Variants in IL19 observed in about 807,000 individuals in gnomAD.
The protein encoded by IL19 is interleukin 19.
In IL19, 15 loss-of-function variants were observed where a neutral mutation model predicts 19.5. The observed-to-expected ratio is 0.77, with a 90% CI of 0.52 to 1.19. The LOEUF (loss-of-function observed/expected upper bound fraction) is 1.19. Among genes scored for constraint, IL19 ranks in the 50% most tolerant of loss-of-function variants. IL19 has a pLI of 0.00. For synonymous variants in IL19, 78 were observed against 78.3 expected, an observed-to-expected ratio of 1.00 and a Z score of 0.02; for missense variants, 199 against 213.1, an observed-to-expected ratio of 0.93 and a Z score of 0.41.
intron 1 of IL19, chr1:206,772,248 G>C: frequency 5.0e-6 from 8 of 1,608,368 alleles, no homozygotes; most frequent in Non-Finnish European, 6.8e-6. Flanking sequence ...AAGAGAGAAA[G>C]GACAGGAAGG....
intron 1 of IL19, among the ~76,000 whole-genome samples, chr1:206,785,761 AC>A (rs1266397770): frequency 6.6e-6 from 1 of 152,012 alleles, no homozygotes. Flanking sequence ...AATCTCATAG[AC>A]CCCCAGCTCC....
intron 2 of IL19, among the ~76,000 whole-genome samples, chr1:206,809,005 G>T (rs1384544830): frequency 1.3e-5 from 2 of 152,308 alleles, no homozygotes; most frequent in African/African-American, 4.8e-5. Context: ...TACTCCCCAT[G>T]AACTCAAAAG....
chr1:206,831,164 G>A (rs1676599521), intron 2 of IL19, among the ~76,000 whole-genome samples: 1 of 152,164 alleles, frequency 6.6e-6, no homozygotes, highest in Non-Finnish European at 1.5e-5. Flanking sequence ...AATTGCCCTG[G>A]CATCATTATG....
intron 1 of IL19, among the ~76,000 whole-genome samples, chr1:206,773,820 C>T (rs1439444184): frequency 3.3e-5 from 5 of 152,128 alleles, no homozygotes; most frequent in African/African-American, 7.2e-5. Context: ...CTGGGAGGAA[C>T]ACTGACCTAG....
rs573049867 is a variant in IL19 at position 206,839,551 on chromosome 1, T to C, written c.211-299T>C. Among the ~76,000 whole-genome samples, 10 of 152,328 alleles carry C rather than the reference T, an allele frequency of 6.6e-5. No homozygotes were observed. The East Asian group carries it at 1.9e-3, about 29-fold the overall frequency. The stretch of plus-strand genomic sequence containing the variant: ...GAAAGATTTCAGTGGAAGTTAGTGA[T>C]GACACGCTAGGGATACTGCAGAGAG... On this transcript the variant is annotated intron_variant, in intron 4 of 6. Transcript: ENST00000659997.
At chr1:206,815,800 A>G (rs947013779) in intron 2 of IL19, among the ~76,000 whole-genome samples, 1 of 152,234 alleles carries the variant, frequency 6.6e-6, no homozygotes, top group Non-Finnish European at 1.5e-5. Context: ...AAATAAGAAG[A>G]TGGCAAAGCA....
chr1:206,832,274 A>G (rs550306191), intron 2 of IL19, among the ~76,000 whole-genome samples: 50 of 152,394 alleles, frequency 3.3e-4, no homozygotes, highest in Middle Eastern at 6.8e-3. Flanking sequence ...AGTACTTACT[A>G]TGACACAGGT....
At chr1:206,825,022 C>G (rs1045957156) in intron 2 of IL19, among the ~76,000 whole-genome samples, 4 of 152,214 alleles carry the variant, frequency 2.6e-5, no homozygotes, top group African/African-American at 9.6e-5. Flanking sequence ...TCCCAAAGTG[C>G]TGGGATTATA....
chr1:206,771,434 G>A lies in IL19; in HGVS notation c.-149+356G>A, dbSNP rs763601604. 2.5e-6 allele frequency: 4 copies of A among 1,591,360 alleles called. No individual in the cohort carries two copies. The highest frequency in any genetic ancestry group is 3.4e-6 in the Non-Finnish European group (4 of 1,167,102). ...TCATTTGCTGCAGGAAGAACAAAAG[G>A]AGAATGAACTTGAGGTTTGGGGAAA... is the stretch of plus-strand genomic sequence containing the variant. On this transcript the variant is annotated intron_variant, in intron 1 of 6. Transcript: ENST00000659997.
At chr1:206,837,182 T>C (rs1190276293) in intron 4 of IL19, among the ~76,000 whole-genome samples, 159 bp downstream of exon 4, 1 of 152,116 alleles carries the variant, frequency 6.6e-6, no homozygotes, top group Non-Finnish European at 1.5e-5. Flanking sequence ...TAGGGCACGC[T>C]AGTGTCCCAG....
At chr1:206,805,958 T>C (rs1204433531) in intron 2 of IL19, among the ~76,000 whole-genome samples, 1 of 152,238 alleles carries the variant, frequency 6.6e-6, no homozygotes, top group African/African-American at 2.4e-5. Context: ...CTCTTGCTTT[T>C]TTCTGGGTTG....
At position 206,798,945 on chromosome 1, in the gene IL19, C is replaced by A; in HGVS notation, c.-64C>A. The A allele has an allele frequency of 6.2e-7, 1 of 1,614,010 alleles. No homozygotes were observed. The highest frequency in any genetic ancestry group is 8.5e-7 in the Non-Finnish European group (1 of 1,179,976). ...ACAGATCTGCGTGTTCCTTACCACT[C>A]ACACATGTGCACACACATATCCATG... On this transcript the variant is annotated 5_prime_UTR_variant, in exon 2 of 7. It introduces an in-frame stop codon into an upstream open reading frame of the 5' UTR. Coordinates refer to ENST00000659997, the MANE Select transcript of IL19 (RefSeq NM_153758.5).
At chr1:206,786,621 C>T (rs774528209) in intron 1 of IL19, among the ~76,000 whole-genome samples, 4 of 152,038 alleles carry the variant, frequency 2.6e-5, no homozygotes, top group African/African-American at 9.7e-5. Context: ...CAGCAGCCCA[C>T]GTTGAGCCAG....
rs916421429 is a variant in IL19, at chr1:206,839,725, T to C, written c.211-125T>C. ...GAGAGGATGAACACTCTGAGACCAT[T>C]ACGAATTTTTCCAAAATGACTTTTA... On this transcript the variant is annotated intron_variant, in intron 4 of 6. Transcript: ENST00000659997. 5 of 794,978 alleles carry C rather than the reference T, an allele frequency of 6.3e-6. No homozygotes were observed. In the African/African-American group the frequency reaches 8.6e-5, roughly 14 times the overall value. 49.2% of individuals were successfully genotyped at this position (794,978 alleles called of 1,614,324 possible). A position where few individuals can be genotyped will look rare whatever the true frequency, so the allele number is the denominator to read the frequency against.
chr1:206,805,693 T>G (rs1675829723), intron 2 of IL19, among the ~76,000 whole-genome samples: 1 of 152,128 alleles, frequency 6.6e-6, no homozygotes, highest in African/African-American at 2.4e-5. Context: ...AAACGTGAAA[T>G]ACAGATATCA....
intron 2 of IL19, among the ~76,000 whole-genome samples, chr1:206,825,825 C>T (rs530838129): frequency 2.4e-4 from 37 of 152,346 alleles, no homozygotes; most frequent in Admixed American, 2.0e-3. Flanking sequence ...GGTCTCATTC[C>T]CTGTCATTCC....
intron 1 of IL19, among the ~76,000 whole-genome samples, chr1:206,780,481 T>C (rs1274051638): frequency 6.6e-6 from 1 of 152,250 alleles, no homozygotes; most frequent in African/African-American, 2.4e-5. Context: ...CCACTGTCCT[T>C]ACAAACTATA....
chr1:206,833,827 G>A, intron 2 of IL19: 1 of 985,562 alleles, frequency 1.0e-6, no homozygotes, highest in Non-Finnish European at 1.2e-6. Flanking sequence ...GGGAAAAAGT[G>A]TTCCTCATGA....
intron 2 of IL19, among the ~76,000 whole-genome samples, chr1:206,821,079 C>G (rs1676278533): frequency 1.3e-5 from 2 of 152,218 alleles, no homozygotes; most frequent in East Asian, 3.8e-4. Context: ...AATGGATTAT[C>G]CTCTTTGTTT....
Sources: gnomAD v4.1 joint callset for allele counts (sites outside exome capture counted in the v4.1 genomes callset) on GRCh38, gnomAD v4.1.1 for gene constraint, MANE v1.5 for transcripts, NCBI Gene and HGNC (gene_info 2026-07-23, HGNC 2026-07-21) for gene names.